The following LIPA variants were observed in gnomAD, a reference collection of about 807,000 sequenced individuals.
The protein encoded by LIPA is lipase A, lysosomal acid type.
In LIPA, 26 loss-of-function variants were observed where a neutral mutation model predicts 40.6. The observed-to-expected ratio is 0.64, with a 90% CI of 0.47 to 0.89. The LOEUF (loss-of-function observed/expected upper bound fraction) is 0.89, where lower values mean the gene tolerates loss of function less well. LIPA is among the 40% of genes least tolerant of loss of function. The pLI, the probability that LIPA is intolerant of heterozygous loss-of-function variation, is 0.00. For synonymous variants in LIPA, 188 were observed against 168.4 expected (o/e 1.12, Z -0.90); for missense variants, 455 against 479.6 (o/e 0.95, Z 0.48).
chr10:89,234,959 G>A (rs1350713574), intron 3 of LIPA, among the ~76,000 whole-genome samples: 1 of 152,246 alleles, frequency 6.6e-6, no homozygotes, highest in Non-Finnish European at 1.5e-5. Flanking sequence ...GCTAGGAAGC[G>A]TGAGGGTTGG....
At chr10:89,283,429 T>C (rs1251019124) in intron 1 of LIPA, among the ~76,000 whole-genome samples, 1 of 152,238 alleles carries the variant, frequency 6.6e-6, no homozygotes, top group Non-Finnish European at 1.5e-5. Context: ...TCTAAGGTTT[T>C]TCTTTTAACA....
chr10:89,391,352 C>T (rs1431655933), intron 2 of LIPA, among the ~76,000 whole-genome samples: 1 of 151,500 alleles, frequency 6.6e-6, no homozygotes, highest in Non-Finnish European at 1.5e-5. Flanking sequence ...TAGCTGAGAC[C>T]ACAGACACAC....
chr10:89,349,816 T>C (rs1316009452), intron 2 of LIPA, among the ~76,000 whole-genome samples: 1 of 152,148 alleles, frequency 6.6e-6, no homozygotes, highest in Non-Finnish European at 1.5e-5. Context: ...AAACATGCCA[T>C]TTTGACATAA....
At chr10:89,379,300 T>C (rs1254851188) in intron 2 of LIPA, among the ~76,000 whole-genome samples, 1 of 152,210 alleles carries the variant, frequency 6.6e-6, no homozygotes, top group Non-Finnish European at 1.5e-5. Context: ...TCTCAGGCCC[T>C]ACCCTAAACC....
At chr10:89,239,054 T>C (rs1180896324) in intron 3 of LIPA, among the ~76,000 whole-genome samples, 1 of 152,234 alleles carries the variant, frequency 6.6e-6, no homozygotes, top group Admixed American at 6.5e-5. Flanking sequence ...AAGCGCATAC[T>C]AAGTGTTGAC....
At chr10:89,413,705 TGCA>T (rs1220800215) in intron 1 of LIPA, among the ~76,000 whole-genome samples, 2 of 149,136 alleles carry the variant, frequency 1.3e-5, no homozygotes, top group African/African-American at 5.0e-5. Flanking sequence ...AGGTTGAGGC[TGCA>T]GTGAGCTGTC....
At chr10:89,376,264 T>C (rs1224019568) in intron 2 of LIPA, among the ~76,000 whole-genome samples, 1 of 149,360 alleles carries the variant, frequency 6.7e-6, no homozygotes, top group Admixed American at 6.7e-5. Flanking sequence ...CTCATGCGAA[T>C]GGGGAGATGT....
At chr10:89,233,062 G>C (rs939228803) in intron 3 of LIPA, among the ~76,000 whole-genome samples, 4 of 152,164 alleles carry the variant, frequency 2.6e-5, no homozygotes, top group African/African-American at 9.7e-5. Flanking sequence ...GCTTTTCTCA[G>C]GGAATTACTT....
chr10:89,274,307 C>A (rs1589585583), intron 1 of LIPA, among the ~76,000 whole-genome samples: 2 of 152,088 alleles, frequency 1.3e-5, no homozygotes, highest in Non-Finnish European at 2.9e-5. Flanking sequence ...TTTTAATGTC[C>A]AAATGATAAA....
chr10:89,290,698 C>T (rs1247120578), intron 1 of LIPA, among the ~76,000 whole-genome samples: 1 of 152,154 alleles, frequency 6.6e-6, no homozygotes, highest in Non-Finnish European at 1.5e-5. Context: ...CACCTGGTGA[C>T]CCCCACCTCT....
chr10:89,402,357 GAT>G, intron 2 of LIPA: 1 of 1,614,116 alleles, frequency 6.2e-7, no homozygotes, highest in Non-Finnish European at 8.5e-7. Flanking sequence ...GTTATCCATT[GAT>G]GACGATGAAA....
At chr10:89,231,838 T>C (rs1333575471) in intron 3 of LIPA, among the ~76,000 whole-genome samples, 2 of 152,128 alleles carry the variant, frequency 1.3e-5, no homozygotes, top group South Asian at 2.1e-4. Context: ...CTTCTACCCA[T>C]GGGGAGAAAA....
intron 2 of LIPA, chr10:89,406,289 G>A (rs1046481353): frequency 6.6e-6 from 1 of 152,124 alleles, no homozygotes; most frequent in African/African-American, 2.4e-5. Flanking sequence ...CTAAAGTATT[G>A]TAAAATGGAC....
intron 1 of LIPA, among the ~76,000 whole-genome samples, chr10:89,333,309 A>G (rs182207587): frequency 5.9e-5 from 9 of 152,338 alleles, no homozygotes; most frequent in Admixed American, 5.9e-4. Context: ...TAGGTCCTGC[A>G]TTCTGAAATC....
At chr10:89,290,680 G>A (rs7082118) in intron 1 of LIPA, among the ~76,000 whole-genome samples, 2,135 of 152,160 alleles carry the variant, frequency 0.014, 49 homozygotes, top group African/African-American at 0.048. Flanking sequence ...AAAAGCTCCC[G>A]CACTGAGCAC....
chr10:89,328,360 A>G (rs1403921344), intron 1 of LIPA, among the ~76,000 whole-genome samples: 1 of 152,130 alleles, frequency 6.6e-6, no homozygotes, highest in Non-Finnish European at 1.5e-5. Flanking sequence ...GTGTGCAGCT[A>G]TTTCCTGCAA....
chr10:89,382,092 T>C (rs959787826), intron 2 of LIPA, among the ~76,000 whole-genome samples: 1 of 152,090 alleles, frequency 6.6e-6, no homozygotes, highest in Non-Finnish European at 1.5e-5. Flanking sequence ...TTTCCCTTTA[T>C]TTTCAAAAAA....
At chr10:89,219,107 T>C (rs1387912629) in intron 8 of LIPA, among the ~76,000 whole-genome samples, 6 of 152,164 alleles carry the variant, frequency 3.9e-5, no homozygotes, top group Admixed American at 1.3e-4. Context: ...TAACAAAAAT[T>C]ATACTGAATA....
chr10:89,412,548 GTGGAAGTTTTGTTCTTTCGCTCT>G (rs1841478508), intron 2 of LIPA: 2 of 173,220 alleles, frequency 1.2e-5, no homozygotes, highest in Admixed American at 6.3e-5. Flanking sequence ...CTTCCACGTC[GTGGAAGTTTTGTTCTTTCGCTCT>G]TCGCAACGAA....
Sources: gnomAD v4.1 joint callset for allele counts (sites outside exome capture counted in the v4.1 genomes callset) on GRCh38, gnomAD v4.1.1 for gene constraint, MANE v1.5 for transcripts, NCBI Gene and HGNC (gene_info 2026-07-23, HGNC 2026-07-21) for gene names.